DNAI1: variants seen among roughly 807,000 people sequenced by gnomAD.
DNAI1 encodes dynein, axonemal, intermediate polypeptide 1.
DNAI1 carries 67 observed loss-of-function variants against 92.0 expected under a neutral mutation model. That is an observed-to-expected ratio of 0.73 (90% CI 0.60 to 0.89). The LOEUF (loss-of-function observed/expected upper bound fraction) is 0.89. Among genes scored for constraint, DNAI1 ranks in the 40% least tolerant of loss-of-function variants. DNAI1 has a pLI of 0.00. For synonymous variants in DNAI1, 323 were observed against 319.6 expected (o/e 1.01, Z -0.11); for missense variants, 839 against 866.6 (o/e 0.97, Z 0.40).
rs1825192265 is a variant in DNAI1, at chr9:34,517,451, T to G, written c.1985T>G (p.Leu662Trp). 1 of 1,614,064 alleles carries G rather than the reference T, an allele frequency of 6.2e-7. No homozygotes were observed. The highest frequency in any genetic ancestry group is 8.5e-7 in the Non-Finnish European group (1 of 1,180,038). The change falls in exon 19 of 20, where the codon TTG becomes TGG. Residue 662 changes from leucine (L) to tryptophan (W), a missense_variant. By Grantham distance (61) the Leu-to-Trp change is moderately conservative (BLOSUM62 -2). Transcript: ENST00000242317. ...ATCAGCCTCAAGCTCTCACCCAATTTGCGCAAGATGCCAAAGGTACAGGCT... is the reference window on the plus strand; with the variant it reads ...ATCAGCCTCAAGCTCTCACCCAATTGGCGCAAGATGCCAAAGGTACAGGCT... ...HIISLKLSPNLRKMPKEKKGQ... is the reference protein window; with the variant it reads ...HIISLKLSPNWRKMPKEKKGQ...
chr9:34,485,548 T>C, intron 4 of DNAI1, 31 bp downstream of exon 4: 1 of 1,597,266 alleles, frequency 6.3e-7, no homozygotes, highest in Non-Finnish European at 8.6e-7. Flanking sequence ...CAGGGGCATC[T>C]ATACCCATCT....
At chr9:34,492,495 T>TATAG (rs1824624777) in intron 8 of DNAI1, among the ~76,000 whole-genome samples, 1 of 19,036 alleles carries the variant, frequency 5.3e-5, no homozygotes, top group African/African-American at 1.5e-4. Flanking sequence ...GATATGAAGA[T>TATAG]ATATATATAT....
Position 34,490,413 on chromosome 9 carries a change from G to T in DNAI1, c.546G>T (p.Gln182His). The change falls in exon 7 of 20, where the codon CAG (glutamine) becomes CAT (histidine). Residue 182 changes from glutamine (Q) to histidine (H), a missense_variant. Transcript: ENST00000242317. ...AAGAAGAATTGATGACTCCTAAGCA[G>T]CCCAAGGAGAGAAAGCTCACTAACC... ...VTEEELMTPK[Q>H]PKERKLTNQF... 6.2e-7 allele frequency: 1 copy of T among 1,614,218 alleles called. No homozygotes were observed. The highest frequency in any genetic ancestry group is 2.2e-5 in the East Asian group (1 of 44,886).
chr9:34,514,850 C>A, intron 18 of DNAI1, 111 bp downstream of exon 18: 5 of 1,196,046 alleles, frequency 4.2e-6, no homozygotes, highest in Non-Finnish European at 6.1e-6. Context: ...AAGGAGAAGG[C>A]GGGACATAAG....
chr9:34,494,609 C>T (rs1013397510), intron 9 of DNAI1, among the ~76,000 whole-genome samples: 2 of 152,288 alleles, frequency 1.3e-5, no homozygotes, highest in African/African-American at 4.8e-5. Context: ...GATCTAGAAA[C>T]CAGAAGAAAA....
chr9:34,492,535 T>TATATATATATATATATATG (rs1425684909), intron 8 of DNAI1, among the ~76,000 whole-genome samples: 1 of 131,868 alleles, frequency 7.6e-6, no homozygotes, highest in African/African-American at 2.8e-5. Context: ...TATATATATA[T>TATATATATATATATATATG]TTGAGACAAG....
At position 34,506,661 on chromosome 9, in the gene DNAI1, G is replaced by A; in HGVS notation, c.1098G>A (p.Leu366=). The A allele has an allele frequency of 6.2e-7, 1 of 1,614,204 alleles. No homozygotes were observed. The highest frequency in any genetic ancestry group is 8.5e-7 in the Non-Finnish European group (1 of 1,180,042). ...DFMKQSRGML[L]LYSLKNPSFP... is the part of the protein sequence containing the mutation. The stretch of plus-strand genomic sequence containing the variant: ...TGAAGCAGAGCCGGGGCATGCTGCT[G>A]CTCTACAGCCTGAAGAACCCCAGCT... Residue 366 remains leucine (L), a synonymous_variant, in exon 13 of 20, where the codon CTG becomes CTA. Transcript: ENST00000242317.
In DNAI1 at chr9:34,490,062, G is replaced by A. The variant is rs771058822; in HGVS notation, c.439G>A (p.Asp147Asn). The A allele has an allele frequency of 1.2e-6, 2 of 1,614,242 alleles. No individual in the cohort carries two copies. Among genetic ancestry groups the A allele is most frequent in the Middle Eastern group, 1.6e-4 (1 of 6,062 alleles). ...TTCAGAAACAGGAAACCTCGAAGAA[G>A]ACGAAGAGCCCAAGGAGTTAGAAAC... Reference protein sequence around the residue: ...VISETGNLEEDEEPKELETEP... With the variant: ...VISETGNLEENEEPKELETEP... The change falls in exon 6 of 20, where the codon GAC (aspartate) becomes AAC (asparagine). Residue 147 changes from aspartate to asparagine, a missense_variant. By Grantham distance (23) the Asp-to-Asn change is conservative. Coordinates refer to ENST00000242317, the MANE Select transcript of DNAI1 (RefSeq NM_012144.4).
intron 1 of DNAI1, among the ~76,000 whole-genome samples, chr9:34,462,035 A>G (rs1823960275): frequency 6.6e-6 from 1 of 152,138 alleles, no homozygotes; most frequent in Non-Finnish European, 1.5e-5. Flanking sequence ...GGTTTGTTAG[A>G]GGATAGAGAG....
At chr9:34,512,773 T>C (rs147247522) in intron 15 of DNAI1, among the ~76,000 whole-genome samples, 2 of 152,344 alleles carry the variant, frequency 1.3e-5, no homozygotes, top group African/African-American at 2.4e-5. Flanking sequence ...TATATCCCTG[T>C]TGGCACAGAC....
chr9:34,490,104 A>G lies in DNAI1; in HGVS notation c.481A>G (p.Thr161Ala). 6.2e-6 allele frequency: 10 copies of G among 1,614,070 alleles called. No individual in the cohort carries two copies. The highest frequency in any genetic ancestry group is 7.6e-6 in the Non-Finnish European group (9 of 1,180,004). Residue 161 changes from threonine (T) to alanine (A), a missense_variant, in exon 6 of 20, where the codon ACA (threonine) becomes GCA (alanine). By Grantham distance (58) the Thr-to-Ala change is moderately conservative. Coordinates refer to ENST00000242317, the MANE Select transcript of DNAI1 (RefSeq NM_012144.4). Reference protein sequence around the residue: ...KELETEPGSQTDVPAAGAAEK... With the variant: ...KELETEPGSQADVPAAGAAEK... ...GTTAGAAACTGAGCCTGGGAGTCAA[A>G]CAGATGTGCCTGCAGCTGGGGTACA...
Position 34,520,872 on chromosome 9 carries a change from G to GC in DNAI1, c.*117dup. 1 of 989,402 alleles carries GC rather than the reference G, an allele frequency of 1.0e-6. No homozygotes were observed. Among genetic ancestry groups the GC allele is most frequent in the Non-Finnish European group, 1.6e-6 (1 of 637,940 alleles). 61.3% of individuals were successfully genotyped at this position (989,402 alleles called of 1,614,324 possible). ...TGACCCCACTCCTGATCAGGTCCCA[G>GC]CATCTTCCCTTCTTGTTCTGTTCCT... On this transcript the variant is annotated 3_prime_UTR_variant, in exon 20 of 20. Coordinates refer to ENST00000242317, the MANE Select transcript of DNAI1 (RefSeq NM_012144.4).
chr9:34,491,277 T>A, intron 7 of DNAI1: 1 of 619,450 alleles, frequency 1.6e-6, no homozygotes, highest in Non-Finnish European at 2.9e-6. Flanking sequence ...GCCCCTGCTT[T>A]CTAGCTTATA....
chr9:34,482,806 G>T (rs1488035533), intron 1 of DNAI1, among the ~76,000 whole-genome samples: 1 of 152,270 alleles, frequency 6.6e-6, no homozygotes, highest in Non-Finnish European at 1.5e-5. Context: ...GGGCGCCGTG[G>T]AGCAGAGGAT....
rs188231768 is a variant in DNAI1, at chr9:34,479,260, T to A, written c.49-4188T>A. Among the ~76,000 whole-genome samples the A allele has an allele frequency of 2.2e-4, 34 of 151,498 alleles. No homozygotes were observed. The East Asian group carries it at 6.2e-3, about 28-fold the overall frequency. On this transcript the variant is annotated intron_variant, in intron 1 of 19. Coordinates refer to ENST00000242317, the MANE Select transcript of DNAI1 (RefSeq NM_012144.4). ...AGAATTTTGAGGGCTAGGGGAAGAGTTTGAGCTTTCTTCTGTAGCTTGATA... is the reference window on the plus strand; with the variant it reads ...AGAATTTTGAGGGCTAGGGGAAGAGATTGAGCTTTCTTCTGTAGCTTGATA...
intron 1 of DNAI1, among the ~76,000 whole-genome samples, chr9:34,460,038 C>T (rs1378594380): frequency 6.6e-6 from 1 of 152,218 alleles, no homozygotes; most frequent in African/African-American, 2.4e-5. Context: ...ATATCTCTCT[C>T]TTCCCTGCGA....
At chr9:34,501,301 A>G in intron 12 of DNAI1, 120 bp downstream of exon 12, 2 of 861,690 alleles carry the variant, frequency 2.3e-6, no homozygotes, top group South Asian at 1.3e-5. Flanking sequence ...CAGGGGGCTC[A>G]CAGTCTAATG....
Position 34,458,910 on chromosome 9 carries a change from G to A in DNAI1, c.-96G>A, listed in dbSNP as rs1032811844. On this transcript the variant is annotated 5_prime_UTR_variant, in exon 1 of 20. Transcript: ENST00000242317. The surrounding 1 kb of genome is among the most constrained non-coding windows in gnomAD (Gnocchi z 6.6). The stretch of plus-strand genomic sequence containing the variant: ...AACCGTTGCGACTGGTAACTGAAGT[G>A]GAAGAGAGTCCAGATTTCTTGTGTG... 4 of 1,104,828 alleles carry A rather than the reference G, an allele frequency of 3.6e-6. No individual in the cohort carries two copies. Among genetic ancestry groups the A allele is most frequent in the Middle Eastern group, 2.0e-4 (1 of 5,098 alleles). 68.4% of individuals were successfully genotyped at this position (1,104,828 alleles called of 1,614,324 possible). A position where few individuals can be genotyped will look rare whatever the true frequency, so the allele number is the denominator to read the frequency against.
intron 1 of DNAI1, among the ~76,000 whole-genome samples, chr9:34,461,870 C>T (rs1039552488): frequency 6.6e-6 from 1 of 152,044 alleles, no homozygotes; most frequent in African/African-American, 2.4e-5. Context: ...GAATTCAGTT[C>T]AATGGGGGAG....
Sources: allele counts gnomAD v4.1 joint callset (sites outside exome capture counted in the v4.1 genomes callset), GRCh38; gene constraint gnomAD v4.1.1; non-coding constraint Gnocchi (gnomAD v3.1); transcripts MANE v1.5; gene names NCBI Gene and HGNC (gene_info 2026-07-23, HGNC 2026-07-21).